CTCFL: variants seen among roughly 807,000 people sequenced by gnomAD.
CTCFL encodes the protein transcriptional repressor CTCFL.
In CTCFL, 36 loss-of-function variants were observed where a neutral mutation model predicts 67.4. The ratio of observed to expected loss-of-function variants is 0.53; its 90% confidence interval spans 0.41 to 0.71. The LOEUF (loss-of-function observed/expected upper bound fraction) is 0.71, where lower values mean the gene tolerates loss of function less well. CTCFL is among the 30% of genes least tolerant of loss of function. CTCFL has a pLI of 0.00. For synonymous variants in CTCFL, 324 were observed against 302.3 expected (o/e 1.07, Z -0.75); for missense variants, 786 against 835.2 (o/e 0.94, Z 0.73).
In CTCFL at chr20:57,525,111, A is replaced by C. The variant is rs952679184; in HGVS notation, c.-95T>G. On this transcript the variant is annotated 5_prime_UTR_variant, in exon 1 of 11. Coordinates refer to ENST00000243914, the MANE Select transcript of CTCFL (RefSeq NM_001386993.1). Reference sequence around the variant, plus strand: ...TCGTGCACCGCGTGCTGCAGCCCACAGCCGGCCGCCGCCGGGCTGGCGCGA... The same window carrying C: ...TCGTGCACCGCGTGCTGCAGCCCACCGCCGGCCGCCGCCGGGCTGGCGCGA... The C allele has an allele frequency of 6.6e-6, 1 of 151,854 alleles. No homozygotes were observed. Among genetic ancestry groups the C allele is most frequent in the African/African-American group, 2.4e-5 (1 of 41,228 alleles). 9.4% of individuals were successfully genotyped at this position (151,854 alleles called of 1,614,324 possible). A position where few individuals can be genotyped will look rare whatever the true frequency, so the allele number is the denominator to read the frequency against.
intron 3 of CTCFL, among the ~76,000 whole-genome samples, chr20:57,521,585 T>C (rs1365229549): frequency 6.6e-6 from 1 of 152,128 alleles, no homozygotes; most frequent in African/African-American, 2.4e-5. Context: ...GCAAAAGGAC[T>C]GGAAACAGGT....
In CTCFL at chr20:57,512,675, G is replaced by A. The variant is rs1429635968; in HGVS notation, c.1408C>T (p.Arg470Cys). ...TTCTGGTGCTGAATGAGGGCATAGC[G>A]TTCATGGAAGACAGCAGAACAGTAG... is the stretch of plus-strand genomic sequence containing the variant. ...CRYCSAVFHE[R>C]YALIQHQKTH... The change falls in exon 8 of 11, where the codon CGC becomes TGC. Residue 470 changes from arginine (R) to cysteine (C), a missense_variant. By Grantham distance (180) the Arg-to-Cys change is radical (BLOSUM62 -3). Transcript: ENST00000243914. 5.0e-6 allele frequency: 8 copies of A among 1,614,178 alleles called. No individual in the cohort carries two copies. The highest frequency in any genetic ancestry group is 1.7e-5 in the Admixed American group (1 of 60,026).
rs181739781 is a variant in CTCFL at position 57,515,858 on chromosome 20, C to T, written c.1060-24G>A. 5.3e-5 allele frequency: 84 copies of T among 1,593,876 alleles called. No individual in the cohort carries two copies. In the Admixed American group the frequency reaches 7.1e-4, roughly 13 times the overall value. The stretch of plus-strand genomic sequence containing the variant: ...GCCTAATAAATACATAAATGATGTT[C>T]GTTGCAATAGAAACTAAAAAATGGC... On this transcript the variant is annotated intron_variant, in intron 5 of 10. Transcript: ENST00000243914.
At position 57,504,220 on chromosome 20, in the gene CTCFL, C is replaced by T. The variant is rs148637519; in HGVS notation, c.1675-619G>A. 5.9e-3 allele frequency among the ~76,000 whole-genome samples: 892 copies of T among 151,148 alleles called. 21 individuals carry two copies. The highest frequency in any genetic ancestry group is 0.01 in the Non-Finnish European group (697 of 67,670). ...CTCGATCTCCTGATATTGTGATCTG[C>T]CCACCTTGGCCTCCCAGAGTGCTGG... On this transcript the variant is annotated intron_variant, in intron 9 of 10. Transcript: ENST00000243914.
intron 9 of CTCFL, among the ~76,000 whole-genome samples, chr20:57,504,626 T>C (rs1377748609): frequency 6.6e-6 from 1 of 151,856 alleles, no homozygotes; most frequent in Non-Finnish European, 1.5e-5. Context: ...TTTAGAAACC[T>C]GGCTCTTTAC....
chr20:57,498,368 T>C lies in CTCFL; in HGVS notation c.*182A>G, dbSNP rs112989819. ...CTTGTGTCATCCATTGTCATGAACT[T>C]AATTGTTTCAAAGAAAATGCTAAAA... is the stretch of plus-strand genomic sequence containing the variant. On this transcript the variant is annotated 3_prime_UTR_variant, in exon 11 of 11. Coordinates refer to ENST00000243914, the MANE Select transcript of CTCFL (RefSeq NM_001386993.1). The C allele has an allele frequency of 2.2e-5, 30 of 1,394,178 alleles. No homozygotes were observed. In the African/African-American group the frequency reaches 2.6e-4, roughly 12 times the overall value. The allele number at this position is 1,394,178 out of a possible 1,614,324, so 86.4% of individuals were successfully genotyped here.
chr20:57,524,371 C>G, intron 1 of CTCFL, 155 bp from the exon 2 acceptor site: 8 of 1,455,104 alleles, frequency 5.5e-6, no homozygotes, highest in Non-Finnish European at 7.2e-6. Context: ...CAATGCTGAT[C>G]TGGCTTGGGT....
chr20:57,506,389 C>T (rs2068211299), intron 9 of CTCFL, among the ~76,000 whole-genome samples: 1 of 152,148 alleles, frequency 6.6e-6, no homozygotes, highest in African/African-American at 2.4e-5. Context: ...CTGCAACCTC[C>T]ACCTCCTGGG....
intron 7 of CTCFL, chr20:57,513,403 T>TG (rs1263392783): frequency 4.7e-5 from 46 of 987,670 alleles, no homozygotes; most frequent in Non-Finnish European, 5.4e-5. Flanking sequence ...AGCTGTGTGA[T>TG]GGAGCTACTC....
chr20:57,507,906 T>G, intron 9 of CTCFL: 1 of 702,450 alleles, frequency 1.4e-6, no homozygotes, highest in South Asian at 1.5e-5. Context: ...AATGTATTGC[T>G]TAGTCCAGTA....
intron 10 of CTCFL, among the ~76,000 whole-genome samples, chr20:57,502,673 C>T (rs1207097779): frequency 2.0e-5 from 3 of 152,076 alleles, no homozygotes; most frequent in Non-Finnish European, 4.4e-5. Context: ...CAGGTTGGCC[C>T]CTCTTACAGC....
At chr20:57,519,493 G>T in intron 3 of CTCFL, 116 bp from the exon 4 acceptor site, 1 of 847,086 alleles carries the variant, frequency 1.2e-6, no homozygotes, top group Non-Finnish European at 1.9e-6. Flanking sequence ...AATAGCACAT[G>T]CTATTTATAT....
intron 9 of CTCFL, chr20:57,507,375 TA>T: frequency 1.4e-5 from 8 of 552,092 alleles, no homozygotes; most frequent in South Asian, 2.2e-5. Flanking sequence ...TTTTTTTTTT[TA>T]AAGTAGAGAC....
chr20:57,507,446 C>T (rs1282352174), intron 9 of CTCFL: 3 of 638,978 alleles, frequency 4.7e-6, no homozygotes, highest in East Asian at 5.5e-5. Context: ...TATCCACCTG[C>T]CTTGGCCTCC....
Position 57,519,196 on chromosome 20 carries a change from G to C in CTCFL, c.925+11C>G, listed in dbSNP as rs374065315. 3 of 1,612,542 alleles carry C rather than the reference G, an allele frequency of 1.9e-6. No homozygotes were observed. The stretch of plus-strand genomic sequence containing the variant: ...ATCATTCCAGAGAAACAGCCTTCCC[G>C]GCAGTTTTACCTGTGTGGGTGTTAA... On this transcript the variant is annotated intron_variant, in intron 4 of 10. Coordinates refer to ENST00000243914, the MANE Select transcript of CTCFL (RefSeq NM_001386993.1).
chr20:57,507,155 G>T, intron 9 of CTCFL: 2 of 534,924 alleles, frequency 3.7e-6, no homozygotes, highest in Non-Finnish European at 4.9e-6. Context: ...GAGTGTGGGT[G>T]GGACTTCATG....
intron 7 of CTCFL, among the ~76,000 whole-genome samples, chr20:57,514,195 T>G (rs1600664153): frequency 6.6e-6 from 1 of 152,224 alleles, no homozygotes; most frequent in Admixed American, 6.5e-5. Context: ...GTGCCATAGA[T>G]AGAGCACTGA....
At chr20:57,501,202 G>GGA (rs1243221819) in intron 10 of CTCFL, among the ~76,000 whole-genome samples, 8 of 152,252 alleles carry the variant, frequency 5.3e-5, no homozygotes, top group African/African-American at 1.9e-4. Context: ...CCGCCTTGGA[G>GGA]GAGCCTGCGG....
intron 8 of CTCFL, among the ~76,000 whole-genome samples, chr20:57,509,123 T>A (rs1359667494): frequency 6.6e-6 from 1 of 152,128 alleles, no homozygotes; most frequent in Non-Finnish European, 1.5e-5. Flanking sequence ...TCTATACAAC[T>A]ATTTACAATT....
Sources: gnomAD v4.1 joint callset for allele counts (sites outside exome capture counted in the v4.1 genomes callset) on GRCh38, gnomAD v4.1.1 for gene constraint, MANE v1.5 for transcripts, NCBI Gene and HGNC (gene_info 2026-07-23, HGNC 2026-07-21) for gene names.